The following USP9X variants were observed in gnomAD, a reference collection of about 807,000 sequenced individuals.
The protein encoded by USP9X is ubiquitin specific peptidase 9 X-linked.
USP9X carries 7 observed loss-of-function variants against 190.3 expected under a neutral mutation model. That is an observed-to-expected ratio of 0.04 (90% confidence interval 0.02 to 0.07). The LOEUF (loss-of-function observed/expected upper bound fraction) is 0.07, where lower values mean the gene tolerates loss of function less well. Among genes scored for constraint, USP9X ranks in the 10% least tolerant of loss-of-function variants. The pLI is 1.00. For synonymous variants in USP9X, 645 were observed against 659.5 expected (o/e 0.98, Z 0.34); for missense variants, 1,010 against 1,916.9 (o/e 0.53, Z 8.83).
At chrX:41,175,772 T>TATACACACACACAC (rs1555926025) in intron 21 of USP9X, among the ~76,000 whole-genome samples, 4 of 110,117 alleles carry the variant, frequency 3.6e-5, no homozygotes, top group Admixed American at 9.7e-5. Flanking sequence ...ACTATATATA[T>TATACACACACACAC]ACACACACAC....
chrX:41,138,057 T>G (rs2062390768), intron 6 of USP9X, among the ~76,000 whole-genome samples: 5 of 110,824 alleles, frequency 4.5e-5, no homozygotes. Flanking sequence ...ATTGTGAGAG[T>G]GTTAGCCTTT....
chrX:41,225,001 T>G lies in USP9X; in HGVS notation c.6972+39T>G, dbSNP rs776220302. Reference sequence around the variant, plus strand: ...AACATTTGTATGTTTATAATTTGATTTGTTATTCCTTTCATTAAGTTACTC... The same window carrying G: ...AACATTTGTATGTTTATAATTTGATGTGTTATTCCTTTCATTAAGTTACTC... On this transcript the variant is annotated intron_variant, in intron 40 of 44. Coordinates refer to ENST00000378308, the MANE Select transcript of USP9X (RefSeq NM_001039591.3). 4 of 1,206,712 alleles carry G rather than the reference T, an allele frequency of 3.3e-6. No individual in the cohort carries two copies. The African/African-American group carries it at 7.0e-5, about 21-fold the overall frequency.
At chrX:41,187,967 G>A (rs1419523687) in intron 24 of USP9X, 25 bp from the exon 25 acceptor site, 39 of 1,189,062 alleles carry the variant, frequency 3.3e-5, no homozygotes, top group Non-Finnish European at 4.2e-5. Flanking sequence ...TCTATCAACA[G>A]TTCTATTTAC....
chrX:41,120,087 A>T (rs2062178819), intron 1 of USP9X, among the ~76,000 whole-genome samples: 1 of 111,750 alleles, frequency 8.9e-6, no homozygotes, highest in Admixed American at 9.4e-5. Context: ...CAGTCTTAAA[A>T]CTTTGTTTTG....
intron 5 of USP9X, among the ~76,000 whole-genome samples, chrX:41,135,790 C>T (rs1487084473): frequency 9.1e-6 from 1 of 110,402 alleles, no homozygotes; most frequent in Non-Finnish European, 1.9e-5. Context: ...GCCACCACGC[C>T]TGGCTAATTT....
chrX:41,112,320 G>T (rs5963227), intron 1 of USP9X, among the ~76,000 whole-genome samples: 5 of 112,010 alleles, frequency 4.5e-5, no homozygotes, highest in Admixed American at 9.5e-5. Context: ...TTTTCTCCCC[G>T]TTTGAATTTA....
At chrX:41,099,096 G>GTTTTTTTGTTTT (rs2062015091) in intron 1 of USP9X, among the ~76,000 whole-genome samples, 1 of 44,274 alleles carries the variant, frequency 2.3e-5, no homozygotes, top group Admixed American at 3.8e-4. Flanking sequence ...CCAGATAATT[G>GTTTTTTTGTTTT]TTTTTTTTTT....
At position 41,148,476 on chromosome X, in the gene USP9X, C is replaced by A; in HGVS notation, c.1527C>A (p.Asn509Lys). 8.3e-7 allele frequency: 1 copy of A among 1,211,712 alleles called. No individual in the cohort carries two copies. Among genetic ancestry groups the A allele is most frequent in the Non-Finnish European group, 1.1e-6 (1 of 895,452 alleles). The change falls in exon 12 of 45, where the codon AAC (asparagine) becomes AAA (lysine). Residue 509 changes from asparagine (N) to lysine (K), a missense_variant. By Grantham distance (94) the Asn-to-Lys change is moderately conservative. Coordinates refer to ENST00000378308, the MANE Select transcript of USP9X (RefSeq NM_001039591.3). ...GTGTGATGGCACACAAAGTGTTGAA[C>A]CTTCTGTGGAATCTGGCTCACAGTG... is the stretch of plus-strand genomic sequence containing the variant. Reference protein sequence around the residue: ...KDGVMAHKVLNLLWNLAHSDD... With the variant: ...KDGVMAHKVLKLLWNLAHSDD...
chrX:41,187,847 T>TAA, intron 24 of USP9X, 145 bp from the exon 25 acceptor site: 10 of 566,017 alleles, frequency 1.8e-5, no homozygotes, highest in Middle Eastern at 6.4e-4. Context: ...TTTTTTTTTT[T>TAA]TAAGACAAAG....
At chrX:41,098,618 C>T (rs757693609) in intron 1 of USP9X, among the ~76,000 whole-genome samples, 17 of 107,510 alleles carry the variant, frequency 1.6e-4, no homozygotes, top group Non-Finnish European at 2.7e-4. Flanking sequence ...AGTGCAGTGG[C>T]GAGCTTGGCT....
At chrX:41,186,267 G>A (rs978453575) in intron 23 of USP9X, among the ~76,000 whole-genome samples, 1 of 111,425 alleles carries the variant, frequency 9.0e-6, no homozygotes, top group East Asian at 2.8e-4. Flanking sequence ...AAGTTAAGCT[G>A]AGGCCAGATT....
At chrX:41,200,953 C>A in intron 30 of USP9X, 107 bp from the exon 31 acceptor site, 1 of 829,629 alleles carries the variant, frequency 1.2e-6, no homozygotes, top group Non-Finnish European at 1.7e-6. Context: ...TAGGGTTAGT[C>A]GAATTATGGG....
At chrX:41,199,299 G>A (rs767788134) in intron 30 of USP9X, among the ~76,000 whole-genome samples, 27 of 112,824 alleles carry the variant, frequency 2.4e-4, no homozygotes, top group African/African-American at 6.1e-4. Context: ...AAGTGGTGTC[G>A]CCATTTGGCA....
intron 1 of USP9X, among the ~76,000 whole-genome samples, chrX:41,097,341 C>T (rs1034686786): frequency 2.7e-5 from 3 of 111,939 alleles, no homozygotes; most frequent in Admixed American, 9.5e-5. Flanking sequence ...TTATCTGGCA[C>T]AGATGGTTTC....
At position 41,131,521 on chromosome X, in the gene USP9X, G is replaced by A. The variant is rs1569161226; in HGVS notation, c.307G>A (p.Asp103Asn). The A allele has an allele frequency of 9.1e-6, 11 of 1,206,426 alleles. No individual in the cohort carries two copies. The highest frequency in any genetic ancestry group is 1.2e-5 in the Non-Finnish European group (11 of 892,221). Residue 103 changes from aspartate (D) to asparagine (N), a missense_variant, in exon 4 of 45, where the codon GAT becomes AAT. Asp to Asn is a conservative substitution (Grantham distance 23). Transcript: ENST00000378308. ...AGAAGTGCTTTTAGAAGCTGCTATT[G>A]ATCTTAGTAAAAAGGGTAAGTTATA... ...ELEVLLEAAI[D>N]LSKKGLDVKS...
intron 38 of USP9X, among the ~76,000 whole-genome samples, chrX:41,220,391 C>G (rs1171992959): frequency 2.7e-5 from 3 of 112,132 alleles, no homozygotes; most frequent in Non-Finnish European, 5.6e-5. Context: ...AAAACAAATA[C>G]TGTAGGGCCT....
At chrX:41,105,428 T>G (rs185471424) in intron 1 of USP9X, among the ~76,000 whole-genome samples, 68 of 112,352 alleles carry the variant, frequency 6.1e-4, no homozygotes, top group Non-Finnish European at 9.8e-4. Flanking sequence ...ACCGCTTTAT[T>G]TCAGTTAACA....
intron 1 of USP9X, among the ~76,000 whole-genome samples, chrX:41,087,412 CA>C (rs1413681068): frequency 2.7e-5 from 3 of 112,202 alleles, no homozygotes; most frequent in Non-Finnish European, 3.8e-5. Context: ...CACTTGAACT[CA>C]AAAATAGAGA....
At chrX:41,181,272 CTT>C (rs769952292) in intron 21 of USP9X, among the ~76,000 whole-genome samples, 14 of 75,417 alleles carry the variant, frequency 1.9e-4, no homozygotes, top group Admixed American at 3.3e-4. Flanking sequence ...TTTCTCATTT[CTT>C]TTTTTTTTTT....
Sources: allele counts gnomAD v4.1 joint callset (sites outside exome capture counted in the v4.1 genomes callset), GRCh38; gene constraint gnomAD v4.1.1; transcripts MANE v1.5; gene names NCBI Gene and HGNC (gene_info 2026-07-23, HGNC 2026-07-21).